BLTP1: variants seen among roughly 807,000 people sequenced by gnomAD.
BLTP1 encodes fragile site-associated protein.
chr4:122,346,485 T>C, the BLTP1 span: 1 of 1,377,884 alleles, frequency 7.3e-7, no homozygotes, highest in South Asian at 2.0e-5. Flanking sequence ...TTTTTGTAAT[T>C]TGTGGAAGAA....
chr4:122,263,457 C>T, the BLTP1 span: 1 of 1,603,032 alleles, frequency 6.2e-7, no homozygotes. Flanking sequence ...ACAGTAGCCA[C>T]TGATATGTTA....
the BLTP1 span, chr4:122,328,237 C>T: frequency 1.2e-3 from 1,929 of 1,611,192 alleles, 5 homozygotes; most frequent in Non-Finnish European, 1.4e-3. Context: ...CCAGGCATTC[C>T]TTTCCAAACT....
chr4:122,198,988 G>A, the BLTP1 span, among the ~76,000 whole-genome samples: 1 of 152,084 alleles, frequency 6.6e-6, no homozygotes, highest in African/African-American at 2.4e-5. Flanking sequence ...CTGTTACTTA[G>A]TAACCATCAT....
At chr4:122,225,021 A>G in the BLTP1 span, 1 of 999,772 alleles carries the variant, frequency 1.0e-6, no homozygotes, top group Non-Finnish European at 1.2e-6. Flanking sequence ...TGTTGGAAAA[A>G]TCTTATTTTT....
chr4:122,336,018 G>A, the BLTP1 span: 21 of 489,646 alleles, frequency 4.3e-5, no homozygotes, highest in Non-Finnish European at 6.4e-5. Context: ...GTTATTAATC[G>A]CCTCTGTATT....
the BLTP1 span, chr4:122,200,641 A>G: frequency 4.1e-6 from 4 of 981,706 alleles, no homozygotes; most frequent in Non-Finnish European, 4.8e-6. Context: ...TTTGTGTGAC[A>G]GTACGCATCA....
the BLTP1 span, chr4:122,170,517 C>G: frequency 1.5e-6 from 2 of 1,323,698 alleles, no homozygotes; most frequent in Non-Finnish European, 2.0e-6. Flanking sequence ...GTGATTTAAT[C>G]AACTTCGTTT....
the BLTP1 span, chr4:122,171,690 CA>C: frequency 4.2e-6 from 1 of 237,162 alleles, no homozygotes; most frequent in South Asian, 1.6e-4. Flanking sequence ...TCTTTCATGA[CA>C]CCCAAGGATG....
chr4:122,188,960 C>T, the BLTP1 span: 20,446 of 984,878 alleles, frequency 0.021, 1,360 homozygotes, highest in African/African-American at 0.21. Context: ...TTTTGAGTAT[C>T]GCGGTGACTG....
chr4:122,215,827 A>G, the BLTP1 span, among the ~76,000 whole-genome samples: 1 of 149,702 alleles, frequency 6.7e-6, no homozygotes, highest in African/African-American at 2.5e-5. Flanking sequence ...GTAGTCTTTT[A>G]TCCCTCACCC....
the BLTP1 span, chr4:122,313,895 ATAC>A: frequency 3.2e-5 from 6 of 187,566 alleles, no homozygotes; most frequent in South Asian, 5.5e-4. Context: ...ACATATATAT[ATAC>A]TACAAGATGT....
the BLTP1 span, chr4:122,239,400 C>T: frequency 2.3e-6 from 2 of 877,354 alleles, no homozygotes; most frequent in Admixed American, 6.2e-5. Flanking sequence ...TGTAGATTTT[C>T]TTTTACTTGT....
the BLTP1 span, chr4:122,346,357 G>C: frequency 5.5e-3 from 3,137 of 565,546 alleles, 13 homozygotes; most frequent in Middle Eastern, 0.011. Flanking sequence ...ATTGAAAGCT[G>C]GCTATCAGAC....
At chr4:122,346,591 A>G in the BLTP1 span, 5 of 1,602,328 alleles carry the variant, frequency 3.1e-6, no homozygotes, top group Non-Finnish European at 4.3e-6. Context: ...GGTTTTAGAA[A>G]TCTGTACTAA....
At chr4:122,283,149 A>AT in the BLTP1 span, among the ~76,000 whole-genome samples, 2 of 151,752 alleles carry the variant, frequency 1.3e-5, no homozygotes, top group Non-Finnish European at 2.9e-5. Flanking sequence ...ATTTTGTTAC[A>AT]TTTTTTCTTG....
At chr4:122,229,002 GAT>G in the BLTP1 span, 6 of 856,496 alleles carry the variant, frequency 7.0e-6, no homozygotes, top group Middle Eastern at 3.8e-4. Context: ...AAATTAGACT[GAT>G]TTTTAAAAAA....
the BLTP1 span, chr4:122,197,212 A>G: frequency 7.3e-7 from 1 of 1,369,950 alleles, no homozygotes; most frequent in Admixed American, 2.1e-5. Context: ...AATGCTGTAC[A>G]TGTAAATGTA....
the BLTP1 span, chr4:122,264,075 TAATA>T: frequency 8.8e-6 from 8 of 908,026 alleles, no homozygotes; most frequent in East Asian, 1.2e-4. Context: ...CATTTTTCAC[TAATA>T]AATCATGTCT....
the BLTP1 span, chr4:122,299,642 G>A: frequency 5.0e-6 from 1 of 198,720 alleles, no homozygotes; most frequent in Non-Finnish European, 9.0e-6. Flanking sequence ...GACAGTGGAA[G>A]CTTTCCTGGT....
Sources: allele counts gnomAD v4.1 joint callset (sites outside exome capture counted in the v4.1 genomes callset), GRCh38; gene constraint gnomAD v4.1.1; transcripts MANE v1.5; gene names NCBI Gene and HGNC (gene_info 2026-07-23, HGNC 2026-07-21).